Variants in GALK2 observed in about 807,000 individuals in gnomAD.
The protein encoded by GALK2 is N-acetylgalactosamine kinase.
GALK2 carries 36 observed loss-of-function variants against 52.4 expected under a neutral mutation model. The observed-to-expected ratio is 0.69, with a 90% CI of 0.53 to 0.91. The LOEUF (loss-of-function observed/expected upper bound fraction) is 0.91, where lower values mean the gene tolerates loss of function less well. Among genes scored for constraint, GALK2 ranks in the 40% least tolerant of loss-of-function variants. GALK2 has a pLI of 0.00. For synonymous variants in GALK2, 176 were observed against 199.1 expected, an observed-to-expected ratio of 0.88 and a Z score of 0.98; for missense variants, 579 against 559.1, an observed-to-expected ratio of 1.04 and a Z score of -0.36.
chr15:49,222,930 C>G (rs2089905355), intron 3 of GALK2, among the ~76,000 whole-genome samples: 1 of 152,248 alleles, frequency 6.6e-6, no homozygotes, highest in Admixed American at 6.5e-5. Context: ...CCCTTCTCTT[C>G]AATTCATTGG....
rs2151139367 is a variant in GALK2 at position 49,330,888 on chromosome 15, A to G, written c.*2729A>G. On this transcript the variant is annotated 3_prime_UTR_variant, in exon 10 of 10. Transcript: ENST00000560031. ...AGGATCACTTGAGCTGAGGACTTCA[A>G]AGCTACAGTGAGCCATGACTGCAGC... 1 of 152,344 alleles carries G rather than the reference A, an allele frequency of 6.6e-6. No individual in the cohort carries two copies. Among genetic ancestry groups the G allele is most frequent in the African/African-American group, 2.4e-5 (1 of 41,560 alleles). 9.4% of individuals were successfully genotyped at this position (152,344 alleles called of 1,614,324 possible).
intron 1 of GALK2, among the ~76,000 whole-genome samples, chr15:49,172,960 G>A (rs1046625408): frequency 2.0e-5 from 3 of 152,170 alleles, no homozygotes; most frequent in African/African-American, 7.2e-5. Flanking sequence ...TGGGTTTAAT[G>A]TATTCATAGA....
rs143499888 is a variant in GALK2, at chr15:49,217,807, C to T, written c.266+494C>T. On this transcript the variant is annotated intron_variant, in intron 3 of 9. Transcript: ENST00000560031. ...TAGCATATAAAACAGAGTCTGGTGC[C>T]TAATAGAGGTAAGTTTCTAGTACAT... Among the ~76,000 whole-genome samples the T allele has an allele frequency of 2.2e-4, 34 of 152,116 alleles. 1 individual carries two copies. The highest frequency in any genetic ancestry group is 4.4e-4 in the Non-Finnish European group (30 of 67,996).
chr15:49,274,411 C>T (rs902046746), intron 5 of GALK2, among the ~76,000 whole-genome samples: 1 of 152,100 alleles, frequency 6.6e-6, no homozygotes, highest in Non-Finnish European at 1.5e-5. Flanking sequence ...AAAAATCATA[C>T]AGTTATATTG....
chr15:49,316,512 G>A (rs1290768652), intron 8 of GALK2, among the ~76,000 whole-genome samples: 1 of 152,020 alleles, frequency 6.6e-6, no homozygotes, highest in Non-Finnish European at 1.5e-5. Flanking sequence ...TATACCTAAT[G>A]TAAATGACGA....
chr15:49,218,649 T>C (rs904294743), intron 3 of GALK2, among the ~76,000 whole-genome samples: 3 of 152,216 alleles, frequency 2.0e-5, no homozygotes, highest in African/African-American at 7.2e-5. Flanking sequence ...CCATTTGTTT[T>C]AGCATTCATT....
chr15:49,215,089 C>T (rs1042712798), intron 2 of GALK2, among the ~76,000 whole-genome samples: 2 of 152,214 alleles, frequency 1.3e-5, no homozygotes, highest in Non-Finnish European at 2.9e-5. Context: ...TTGTCTCCTA[C>T]TAGACATATT....
downstream of GALK2, chr15:49,335,619 G>T: frequency 3.3e-6 from 2 of 604,844 alleles, no homozygotes; most frequent in Non-Finnish European, 2.9e-6. Context: ...AGAGTCTCAA[G>T]TATAAACATG....
intron 8 of GALK2, among the ~76,000 whole-genome samples, chr15:49,299,757 T>TTCTTTCTTTCTTTTCTTTCTTTCTTTCTG: frequency 7.0e-6 from 1 of 143,350 alleles, no homozygotes; most frequent in Non-Finnish European, 1.5e-5. Flanking sequence ...CTTTCTTTCT[T>TTCTTTCTTTCTTTTCTTTCTTTCTTTCTG]TCTTTCTTTC....
chr15:49,217,512 C>T (rs1473598692), intron 3 of GALK2, among the ~76,000 whole-genome samples, 199 bp downstream of exon 3: 1 of 152,156 alleles, frequency 6.6e-6, no homozygotes, highest in Admixed American at 6.5e-5. Context: ...TTATCAAAGA[C>T]TTATCATGTG....
chr15:49,195,718 G>A (rs1261308447), intron 1 of GALK2, among the ~76,000 whole-genome samples: 1 of 152,088 alleles, frequency 6.6e-6, no homozygotes, highest in Non-Finnish European at 1.5e-5. Flanking sequence ...GTTTGAAAGA[G>A]CAGGGAAAGG....
At chr15:49,276,941 C>CT (rs2031782914) in intron 5 of GALK2, among the ~76,000 whole-genome samples, 2 of 81,540 alleles carry the variant, frequency 2.5e-5, no homozygotes, top group Non-Finnish European at 5.4e-5. Flanking sequence ...TTTTTTTAAC[C>CT]TTTTGTTTCT....
chr15:49,367,662 A>C, exon 4 of GALK2: 1 of 1,463,196 alleles, frequency 6.8e-7, no homozygotes, highest in Non-Finnish European at 9.2e-7. Flanking sequence ...TTTCTAAAAA[A>C]CTGTGAATAA....
At chr15:49,258,529 T>C (rs1451409524) in intron 5 of GALK2, among the ~76,000 whole-genome samples, 2 of 151,994 alleles carry the variant, frequency 1.3e-5, no homozygotes, top group African/African-American at 2.4e-5. Context: ...TAGGTAATTA[T>C]TATAATTTGT....
chr15:49,356,053 C>T (rs1195129846), intron 3 of GALK2, among the ~76,000 whole-genome samples: 1 of 150,610 alleles, frequency 6.6e-6, no homozygotes, highest in African/African-American at 2.5e-5. Flanking sequence ...GAGATTTTCT[C>T]ACCAACAGGC....
chr15:49,290,868 C>T (rs1238418897), intron 7 of GALK2, among the ~76,000 whole-genome samples: 4 of 152,288 alleles, frequency 2.6e-5, no homozygotes, highest in African/African-American at 7.2e-5. Flanking sequence ...TCATTGAGAA[C>T]GTGGCCTAGG....
At chr15:49,315,308 T>A (rs1305787635) in intron 8 of GALK2, among the ~76,000 whole-genome samples, 1 of 152,234 alleles carries the variant, frequency 6.6e-6, no homozygotes, top group Non-Finnish European at 1.5e-5. Flanking sequence ...GCAATGAACA[T>A]AGTAAGAAAC....
intron 5 of GALK2, among the ~76,000 whole-genome samples, chr15:49,252,415 C>T (rs529394462): frequency 3.3e-4 from 50 of 152,190 alleles, no homozygotes; most frequent in African/African-American, 1.2e-3. Flanking sequence ...TTCTAATATA[C>T]GGTCATACTA....
At position 49,329,371 on chromosome 15, in the gene GALK2, A is replaced by C. The variant is rs2038157455; in HGVS notation, c.*1212A>C. The stretch of plus-strand genomic sequence containing the variant: ...CAAAAAGTATTTTGCTGAAATACTC[A>C]GGTAATTGAGATAGCAATGGTTTTA... On this transcript the variant is annotated 3_prime_UTR_variant, in exon 10 of 10. Coordinates refer to ENST00000560031, the MANE Select transcript of GALK2 (RefSeq NM_002044.4). 1 of 984,970 alleles carries C rather than the reference A, an allele frequency of 1.0e-6. No homozygotes were observed. Among genetic ancestry groups the C allele is most frequent in the African/African-American group, 1.7e-5 (1 of 57,242 alleles). The allele number at this position is 984,970 out of a possible 1,614,324, so 61.0% of individuals were successfully genotyped here. A position where few individuals can be genotyped will look rare whatever the true frequency, so the allele number is the denominator to read the frequency against.
Sources: gnomAD v4.1 joint callset for allele counts (sites outside exome capture counted in the v4.1 genomes callset) on GRCh38, gnomAD v4.1.1 for gene constraint, MANE v1.5 for transcripts, NCBI Gene and HGNC (gene_info 2026-07-23, HGNC 2026-07-21) for gene names.